Variants in AFG2B observed in about 807,000 individuals in gnomAD.
AFG2B encodes the protein AAA ATPase AFG2B.
the AFG2B span, among the ~76,000 whole-genome samples, chr15:45,420,447 T>C: frequency 1.3e-5 from 2 of 152,220 alleles, no homozygotes; most frequent in Non-Finnish European, 2.9e-5. Context: ...CAGGAAGATA[T>C]TCTCTCATCT....
the AFG2B span, chr15:45,417,493 C>T: frequency 1.0e-5 from 14 of 1,346,782 alleles, no homozygotes; most frequent in East Asian, 2.4e-5. Flanking sequence ...CCCTGGGTTC[C>T]GCCTTCTTCC....
chr15:45,411,737 A>C, the AFG2B span, among the ~76,000 whole-genome samples: 1 of 152,156 alleles, frequency 6.6e-6, no homozygotes, highest in Non-Finnish European at 1.5e-5. Flanking sequence ...GCAGTGAGCT[A>C]TGATTGCACC....
chr15:45,405,374 A>T, the AFG2B span: 3 of 1,614,232 alleles, frequency 1.9e-6, no homozygotes, highest in Non-Finnish European at 2.5e-6. Context: ...GCAAGTGATT[A>T]CCTCGAAGAT....
At chr15:45,421,285 T>C in the AFG2B span, 3 of 1,034,692 alleles carry the variant, frequency 2.9e-6, no homozygotes, top group East Asian at 5.7e-5. Flanking sequence ...CTTCACACTT[T>C]TAGAATTTGT....
chr15:45,420,853 G>A, the AFG2B span, among the ~76,000 whole-genome samples: 6 of 152,226 alleles, frequency 3.9e-5, no homozygotes, highest in South Asian at 6.2e-4. Flanking sequence ...TTAGTTGGGC[G>A]TGGTGGCAGC....
chr15:45,409,074 C>T, the AFG2B span, among the ~76,000 whole-genome samples: 41 of 152,178 alleles, frequency 2.7e-4, no homozygotes, highest in Non-Finnish European at 4.4e-4. Flanking sequence ...TATTGGCAGA[C>T]ATTTAAGAGT....
At chr15:45,413,983 G>A in the AFG2B span, among the ~76,000 whole-genome samples, 1 of 152,190 alleles carries the variant, frequency 6.6e-6, no homozygotes, top group African/African-American at 2.4e-5. Context: ...TTGGGTAGGT[G>A]TCATTCTAGC....
chr15:45,415,586 G>GAT, the AFG2B span: 1 of 1,609,028 alleles, frequency 6.2e-7, no homozygotes, highest in East Asian at 2.2e-5. Flanking sequence ...CCTAACAAAA[G>GAT]ATATTTCGAC....
the AFG2B span, chr15:45,403,277 G>A: frequency 1.3e-6 from 2 of 1,589,474 alleles, no homozygotes; most frequent in Non-Finnish European, 1.7e-6. Context: ...GAGAACGTGC[G>A]GCGGGTCTTC....
chr15:45,415,900 A>G, the AFG2B span: 1 of 921,312 alleles, frequency 1.1e-6, no homozygotes, highest in Non-Finnish European at 1.6e-6. Flanking sequence ...AATTCATCTC[A>G]TAGAAGGATT....
chr15:45,403,168 A>AAGACCCAGCTGGTGCGGGCC, the AFG2B span: 1 of 1,464,280 alleles, frequency 6.8e-7, no homozygotes, highest in South Asian at 1.4e-5. Context: ...CGGAGTGGGC[A>AAGACCCAGCTGGTGCGGGCC]AGACCCAGCT....
chr15:45,405,744 C>T, the AFG2B span, among the ~76,000 whole-genome samples: 1 of 152,132 alleles, frequency 6.6e-6, no homozygotes, highest in Non-Finnish European at 1.5e-5. Context: ...TAGTAACTCC[C>T]TAGTGCTGAA....
At chr15:45,402,805 C>T in the AFG2B span, 4 of 1,594,974 alleles carry the variant, frequency 2.5e-6, no homozygotes, top group East Asian at 4.5e-5. Context: ...GCCCGGTGCC[C>T]GGAATACAGC....
the AFG2B span, among the ~76,000 whole-genome samples, chr15:45,419,274 C>G: frequency 1.3e-5 from 2 of 151,918 alleles, no homozygotes; most frequent in Non-Finnish European, 2.9e-5. Flanking sequence ...ACAGTGAGAC[C>G]CCATCTCTAG....
chr15:45,412,424 A>G, the AFG2B span, among the ~76,000 whole-genome samples: 3 of 152,028 alleles, frequency 2.0e-5, no homozygotes, highest in Non-Finnish European at 4.4e-5. Flanking sequence ...TATAATCTAA[A>G]ACGGGGGTCA....
At chr15:45,403,241 A>T in the AFG2B span, 1 of 1,551,038 alleles carries the variant, frequency 6.4e-7, no homozygotes, top group Non-Finnish European at 8.6e-7. Context: ...CCGGCGCTGC[A>T]GGGTTCCCGG....
the AFG2B span, chr15:45,402,468 C>T: frequency 3.1e-6 from 5 of 1,609,626 alleles, no homozygotes; most frequent in South Asian, 5.5e-5. Flanking sequence ...AAGGGCCGCT[C>T]TTAAAGCTGC....
chr15:45,405,628 C>A, the AFG2B span: 1 of 904,924 alleles, frequency 1.1e-6, no homozygotes, highest in Non-Finnish European at 1.6e-6. Context: ...ACAGCTGTTG[C>A]TTATACATTT....
the AFG2B span, among the ~76,000 whole-genome samples, chr15:45,416,217 G>A: frequency 6.6e-6 from 1 of 152,212 alleles, no homozygotes; most frequent in Non-Finnish European, 1.5e-5. Context: ...CTTGAGGCCA[G>A]GAGTTTGAGA....
Sources: gnomAD v4.1 joint callset for allele counts (sites outside exome capture counted in the v4.1 genomes callset) on GRCh38, gnomAD v4.1.1 for gene constraint, MANE v1.5 for transcripts, NCBI Gene and HGNC (gene_info 2026-07-23, HGNC 2026-07-21) for gene names.